The following HHLA2 variants were observed in gnomAD, a reference collection of about 807,000 sequenced individuals.
HHLA2 encodes HHLA2 member of B7 family, also known as HERV-H LTR-associating protein 2.
Under a neutral mutation model 45.9 loss-of-function variants are expected in HHLA2, and 48 were observed. The observed-to-expected ratio is 1.05, with a 90% confidence interval of 0.83 to 1.33. HHLA2 has a LOEUF of 1.33. HHLA2 is among the 40% of genes most tolerant of loss of function. The probability of loss-of-function intolerance (pLI) is 0.00; values close to 1 mark genes in which losing one functional copy is unlikely to be tolerated. For synonymous variants in HHLA2, 161 were observed against 173.9 expected, an observed-to-expected ratio of 0.93 and a Z score of 0.59; for missense variants, 462 against 494.3, an observed-to-expected ratio of 0.93 and a Z score of 0.62.
At chr3:108,319,215 T>G (rs2081155673) in intron 2 of HHLA2, among the ~76,000 whole-genome samples, 1 of 151,988 alleles carries the variant, frequency 6.6e-6, no homozygotes, top group African/African-American at 2.4e-5. Flanking sequence ...TAAAATACTT[T>G]TTTTTTTTTC....
chr3:108,356,735 A>C (rs992028169), intron 6 of HHLA2, among the ~76,000 whole-genome samples: 1 of 152,208 alleles, frequency 6.6e-6, no homozygotes, highest in Admixed American at 6.5e-5. Context: ...ACAGACTGTG[A>C]ACTTAAGAAC....
exon 5 of HHLA2, chr3:108,353,484 G>C (rs945683591): frequency 1.9e-6 from 3 of 1,605,770 alleles, no homozygotes; most frequent in Non-Finnish European, 2.6e-6. Context: ...ATCGTCATTG[G>C]AAGACTTGAT....
chr3:108,352,767 G>C lies in HHLA2; in HGVS notation c.65-660G>C, dbSNP rs376278247. Among the ~76,000 whole-genome samples the C allele has an allele frequency of 3.3e-5, 5 of 152,322 alleles. No individual in the cohort carries two copies. The East Asian group carries it at 5.8e-4, about 18-fold the overall frequency. On this transcript the variant is annotated intron_variant, in intron 4 of 10. Transcript: ENST00000619531. ...AGTAAATCAAGAGAATTGGGGATTA[G>C]GCTTCCAGATTTATCTCCAGATATT...
intron 1 of HHLA2, among the ~76,000 whole-genome samples, chr3:108,297,406 G>A (rs898788925): frequency 1.3e-5 from 2 of 152,080 alleles, no homozygotes; most frequent in African/African-American, 4.8e-5. Flanking sequence ...AAAGTGTAGT[G>A]GTCAAGATCA....
chr3:108,349,394 A>G (rs1196879149), intron 3 of HHLA2, among the ~76,000 whole-genome samples: 1 of 152,212 alleles, frequency 6.6e-6, no homozygotes, highest in African/African-American at 2.4e-5. Context: ...GAAAATCTAG[A>G]AGAAATGGAT....
intron 1 of HHLA2, among the ~76,000 whole-genome samples, chr3:108,299,971 G>A (rs1391207241): frequency 2.6e-5 from 4 of 152,092 alleles, no homozygotes; most frequent in Non-Finnish European, 4.4e-5. Flanking sequence ...GCGAGAAGAC[G>A]GGAAAATGAG....
At chr3:108,319,305 G>C (rs571956465) in intron 2 of HHLA2, among the ~76,000 whole-genome samples, 1 of 152,174 alleles carries the variant, frequency 6.6e-6, no homozygotes, top group Non-Finnish European at 1.5e-5. Context: ...CATTGGTCAG[G>C]CTGAAGCTTT....
chr3:108,335,633 A>G (rs1050451318), intron 3 of HHLA2, among the ~76,000 whole-genome samples: 4 of 152,220 alleles, frequency 2.6e-5, no homozygotes, highest in Non-Finnish European at 5.9e-5. Flanking sequence ...GGATGCAATC[A>G]TGGAACATTC....
chr3:108,349,930 T>C (rs758112171), intron 3 of HHLA2, among the ~76,000 whole-genome samples: 3 of 152,164 alleles, frequency 2.0e-5, no homozygotes, highest in Non-Finnish European at 2.9e-5. Flanking sequence ...AGCAAGACAA[T>C]GGACATGGAA....
chr3:108,365,875 G>A (rs2107494210), intron 8 of HHLA2, among the ~76,000 whole-genome samples: 1 of 152,332 alleles, frequency 6.6e-6, no homozygotes. Context: ...AGCTTAAGGA[G>A]ATTTTGGGCT....
At chr3:108,345,243 C>G (rs537486551) in intron 3 of HHLA2, among the ~76,000 whole-genome samples, 4 of 152,184 alleles carry the variant, frequency 2.6e-5, no homozygotes, top group African/African-American at 9.7e-5. Context: ...GCCTTGAAGC[C>G]ACCACTGGGG....
At chr3:108,353,563 T>C in exon 5 of HHLA2, 1 of 1,613,672 alleles carries the variant, frequency 6.2e-7, no homozygotes, top group Non-Finnish European at 8.5e-7. Flanking sequence ...AGTATCAAGA[T>C]AGCTATAAGG....
chr3:108,356,394 G>A (rs1374380118), intron 6 of HHLA2, among the ~76,000 whole-genome samples: 1 of 152,022 alleles, frequency 6.6e-6, no homozygotes, highest in Non-Finnish European at 1.5e-5. Context: ...GGGGGAAAAT[G>A]GAGGTTATCT....
chr3:108,367,390 G>A (rs1196831203), intron 8 of HHLA2, among the ~76,000 whole-genome samples: 1 of 152,018 alleles, frequency 6.6e-6, no homozygotes, highest in African/African-American at 2.4e-5. Context: ...TTCAGAAGGT[G>A]GGTAATAACA....
intron 3 of HHLA2, among the ~76,000 whole-genome samples, chr3:108,336,620 A>T (rs2081475869): frequency 6.6e-6 from 1 of 152,126 alleles, no homozygotes; most frequent in Non-Finnish European, 1.5e-5. Context: ...GACCTTGCCT[A>T]GTAAGGGGAG....
intron 8 of HHLA2, among the ~76,000 whole-genome samples, chr3:108,366,537 G>A (rs548151226): frequency 6.6e-6 from 1 of 152,192 alleles, no homozygotes; most frequent in African/African-American, 2.4e-5. Context: ...GTTTGGAATA[G>A]TATCAGAAGG....
intron 3 of HHLA2, among the ~76,000 whole-genome samples, chr3:108,342,022 A>G (rs898507077): frequency 6.6e-5 from 10 of 152,170 alleles, no homozygotes; most frequent in Non-Finnish European, 1.3e-4. Flanking sequence ...CAAGCCGGAC[A>G]TGCTCATCTC....
At chr3:108,323,551 C>A (rs1361370785) in intron 2 of HHLA2, among the ~76,000 whole-genome samples, 2 of 152,150 alleles carry the variant, frequency 1.3e-5, no homozygotes, top group Non-Finnish European at 2.9e-5. Flanking sequence ...TCTCTTCACA[C>A]CTTGTCAACA....
intron 6 of HHLA2, among the ~76,000 whole-genome samples, chr3:108,356,948 T>C (rs2081904125): frequency 6.6e-6 from 1 of 152,152 alleles, no homozygotes; most frequent in African/African-American, 2.4e-5. Flanking sequence ...AGAAGAATAT[T>C]CCAGGTAAAA....
Sources: gnomAD v4.1 joint callset for allele counts (sites outside exome capture counted in the v4.1 genomes callset) on GRCh38, gnomAD v4.1.1 for gene constraint, MANE v1.5 for transcripts, NCBI Gene and HGNC (gene_info 2026-07-23, HGNC 2026-07-21) for gene names.